Variants in MATN2 observed in about 807,000 individuals in gnomAD.
The protein encoded by MATN2 is matrilin-2.
Under a neutral mutation model 103.2 loss-of-function variants are expected in MATN2, and 69 were observed. The ratio of observed to expected loss-of-function variants is 0.67; its 90% CI spans 0.55 to 0.82. MATN2 has a LOEUF of 0.82. Among genes scored for constraint, MATN2 ranks in the 40% least tolerant of loss-of-function variants. The pLI is 0.00. For missense variants in MATN2, 1,023 were observed against 1,211.5 expected (o/e 0.84, Z 2.31); for synonymous variants, 429 against 450.2 (o/e 0.95, Z 0.60).
intron 7 of MATN2, among the ~76,000 whole-genome samples, chr8:97,999,232 C>G (rs1812703258): frequency 6.6e-6 from 1 of 152,178 alleles, no homozygotes; most frequent in Admixed American, 6.5e-5. Flanking sequence ...CCTTTGTACT[C>G]ATCCTTTGAT....
At chr8:98,021,123 C>T in intron 12 of MATN2, 82 bp from the exon 13 acceptor site, 1 of 1,356,014 alleles carries the variant, frequency 7.4e-7, no homozygotes, top group Non-Finnish European at 1.0e-6. Context: ...GAGATTACTT[C>T]CACAATCTCT....
intron 6 of MATN2, among the ~76,000 whole-genome samples, chr8:97,980,649 C>A (rs1321837635): frequency 6.7e-6 from 1 of 149,950 alleles, no homozygotes; most frequent in Non-Finnish European, 1.5e-5. Context: ...ACTGCAACCT[C>A]CACCTCCTGG....
chr8:97,990,456 CAT>C lies in MATN2; in HGVS notation c.1082-4021_1082-4020del, dbSNP rs1380629988. ...TTTAAGCAGTTAAGCATACATGTCC[CAT>C]ATGACTCATTCATTATGCAAAAGGA... On this transcript the variant is annotated intron_variant, in intron 6 of 18. Coordinates refer to ENST00000254898, the MANE Select transcript of MATN2 (RefSeq NM_002380.5). Among the ~76,000 whole-genome samples the C allele has an allele frequency of 4.6e-5, 7 of 152,240 alleles. No individual in the cohort carries two copies. In the South Asian group the frequency reaches 1.5e-3, roughly 32 times the overall value.
At chr8:97,978,019 AT>A (rs1811896151) in intron 5 of MATN2, among the ~76,000 whole-genome samples, 1 of 151,930 alleles carries the variant, frequency 6.6e-6, no homozygotes, top group Admixed American at 6.6e-5. Flanking sequence ...AATTTTCTTT[AT>A]CTCCTAATAG....
intron 5 of MATN2, among the ~76,000 whole-genome samples, chr8:97,976,783 T>C (rs977945784): frequency 4.0e-5 from 6 of 151,718 alleles, no homozygotes; most frequent in Non-Finnish European, 8.8e-5. Context: ...AACCCCAGAG[T>C]TGACCCTAGG....
chr8:97,924,829 A>G (rs183347469), intron 2 of MATN2, among the ~76,000 whole-genome samples: 1 of 152,006 alleles, frequency 6.6e-6, no homozygotes, highest in East Asian at 1.9e-4. Context: ...GAGCCAATCC[A>G]GCCCTGGTGC....
intron 2 of MATN2, among the ~76,000 whole-genome samples, chr8:97,894,958 C>T (rs529160785): frequency 1.7e-4 from 26 of 151,928 alleles, no homozygotes; most frequent in South Asian, 1.3e-3. Flanking sequence ...CTGCAACCTC[C>T]GCCTCCCGGG....
intron 4 of MATN2, among the ~76,000 whole-genome samples, chr8:97,947,652 G>C (rs1272456272): frequency 6.6e-6 from 1 of 152,116 alleles, no homozygotes; most frequent in Non-Finnish European, 1.5e-5. Context: ...ATCATGGATT[G>C]GAAGACTTAA....
intron 4 of MATN2, among the ~76,000 whole-genome samples, chr8:97,945,045 T>C (rs1001675229): frequency 3.3e-5 from 5 of 152,232 alleles, no homozygotes; most frequent in African/African-American, 9.6e-5. Flanking sequence ...GCATGCAAAG[T>C]ACTGGAAATA....
intron 2 of MATN2, among the ~76,000 whole-genome samples, chr8:97,913,420 T>G (rs1312570364): frequency 2.0e-5 from 3 of 151,530 alleles, no homozygotes; most frequent in African/African-American, 7.3e-5. Context: ...GTTCAAGTGA[T>G]TCTCTTGCCT....
chr8:98,018,202 T>G, intron 12 of MATN2, 86 bp downstream of exon 12: 1 of 1,532,262 alleles, frequency 6.5e-7, no homozygotes, highest in Non-Finnish European at 8.9e-7. Flanking sequence ...AAGTCCTCCT[T>G]TATTACCACT....
intron 2 of MATN2, among the ~76,000 whole-genome samples, chr8:97,917,564 C>T (rs1321003053): frequency 2.0e-5 from 3 of 152,128 alleles, no homozygotes; most frequent in African/African-American, 4.8e-5. Flanking sequence ...AGACTGCACC[C>T]GCTCTGGCAG....
chr8:97,898,176 G>A (rs1446283745), intron 2 of MATN2, among the ~76,000 whole-genome samples: 4 of 152,126 alleles, frequency 2.6e-5, no homozygotes, highest in East Asian at 1.9e-4. Context: ...TATCCCTTCC[G>A]TGAGTGACAG....
In MATN2 at chr8:97,961,426, T is replaced by C. The variant is rs201458081; in HGVS notation, c.854T>C (p.Met285Thr). The C allele has an allele frequency of 1.7e-4, 275 of 1,613,086 alleles. 2 individuals are homozygous for C. In the Admixed American group the frequency reaches 3.0e-3, roughly 17 times the overall value. Reference protein sequence around the residue: ...TTCRIQDLCAMEDHNCEQLCV... With the variant: ...TTCRIQDLCATEDHNCEQLCV... The stretch of plus-strand genomic sequence containing the variant: ...GCCTCAGTCCAGGATCTGTGTGCCA[T>C]GGAGGACCACAACTGTGAGCAGCTC... Residue 285 changes from methionine (M) to threonine (T), a missense_variant, in exon 5 of 19, where the codon ATG becomes ACG. Coordinates refer to ENST00000254898, the MANE Select transcript of MATN2 (RefSeq NM_002380.5).
In MATN2 at chr8:97,901,716, G is replaced by C. The variant is rs184656426; in HGVS notation, c.142+13474G>C. On this transcript the variant is annotated intron_variant, in intron 2 of 18. Coordinates refer to ENST00000254898, the MANE Select transcript of MATN2 (RefSeq NM_002380.5). ...CTGGCTCACCACCAGTCAGGCTTTA[G>C]GGTTTGGTACAAATTCCACGGCCTC... Among the ~76,000 whole-genome samples, 487 of 152,310 alleles carry C rather than the reference G, an allele frequency of 3.2e-3. 3 individuals carry two copies. Among genetic ancestry groups the C allele is most frequent in the African/African-American group, 0.011 (459 of 41,550 alleles).
chr8:97,908,252 T>G (rs1455907446), intron 2 of MATN2, among the ~76,000 whole-genome samples: 1 of 151,666 alleles, frequency 6.6e-6, no homozygotes, highest in African/African-American at 2.4e-5. Flanking sequence ...AGTGAAACTC[T>G]ATCTCAAAAA....
At position 98,007,427 on chromosome 8, in the gene MATN2, T is replaced by C; in HGVS notation, c.1451-52T>C. 2 of 1,591,754 alleles carry C rather than the reference T, an allele frequency of 1.3e-6. No individual in the cohort carries two copies. The highest frequency in any genetic ancestry group is 2.2e-5 in the South Asian group (2 of 89,454). ...CATGACGGTCACTTGATCCAATCACTGTCGCCCAGAGGTCTCACTGATAAA... is the reference window on the plus strand; with the variant it reads ...CATGACGGTCACTTGATCCAATCACCGTCGCCCAGAGGTCTCACTGATAAA... On this transcript the variant is annotated intron_variant, in intron 9 of 18. Transcript: ENST00000254898. The surrounding 1 kb of genome is among the most constrained non-coding windows in gnomAD (Gnocchi z 4.2).
chr8:98,003,702 G>A lies in MATN2; in HGVS notation c.1246G>A (p.Glu416Lys). 1 of 1,613,960 alleles carries A rather than the reference G, an allele frequency of 6.2e-7. No homozygotes were observed. Among genetic ancestry groups the A allele is most frequent in the Non-Finnish European group, 8.5e-7 (1 of 1,179,860 alleles). ...CALNKPGCEH[E>K]CVNMEESYYC... ...ACTGAACAAACCGGGCTGTGAGCAT[G>A]AGTGCGTCAACATGGAGGAGAGCTA... is the stretch of plus-strand genomic sequence containing the variant. Residue 416 changes from glutamate (E) to lysine (K), a missense_variant, in exon 8 of 19, where the codon GAG (glutamate) becomes AAG (lysine). Transcript: ENST00000254898.
chr8:98,004,492 C>T (rs924427708), intron 8 of MATN2, among the ~76,000 whole-genome samples: 1 of 152,070 alleles, frequency 6.6e-6, no homozygotes, highest in African/African-American at 2.4e-5. Context: ...TTTGATTTCC[C>T]ATTTATGACA....
Sources: gnomAD v4.1 joint callset for allele counts (sites outside exome capture counted in the v4.1 genomes callset) on GRCh38, gnomAD v4.1.1 for gene constraint, Gnocchi (gnomAD v3.1) non-coding constraint, MANE v1.5 for transcripts, NCBI Gene and HGNC (gene_info 2026-07-23, HGNC 2026-07-21) for gene names.